The following CUX1 variants were observed in gnomAD, a reference collection of about 807,000 sequenced individuals.
The protein encoded by CUX1 is cut like homeobox 1.
CUX1 carries 31 observed loss-of-function variants against 158.8 expected under a neutral mutation model. That is an observed-to-expected ratio of 0.20 (90% CI 0.15 to 0.26). The LOEUF is 0.26. CUX1 is among the 10% of genes least tolerant of loss of function. The probability of loss-of-function intolerance (pLI) is 1.00; values close to 1 mark genes in which losing one functional copy is unlikely to be tolerated. For missense variants in CUX1, 1,589 were observed against 2,014.6 expected, an observed-to-expected ratio of 0.79 and a Z score of 4.04; for synonymous variants, 879 against 862.1, an observed-to-expected ratio of 1.02 and a Z score of -0.34.
chr7:102,065,678 A>C (rs940274058), intron 3 of CUX1, among the ~76,000 whole-genome samples: 2 of 152,136 alleles, frequency 1.3e-5, no homozygotes, highest in Admixed American at 1.3e-4. Context: ...GGGCACGGGG[A>C]GAGGACTGAG....
At chr7:101,888,046 T>C (rs1282753041) in intron 1 of CUX1, among the ~76,000 whole-genome samples, 2 of 152,114 alleles carry the variant, frequency 1.3e-5, no homozygotes, top group Non-Finnish European at 2.9e-5. Context: ...CCATAAACAT[T>C]ATTGAGGCCG....
intron 3 of CUX1, among the ~76,000 whole-genome samples, chr7:102,053,666 C>T (rs1422870897): frequency 6.6e-6 from 1 of 152,044 alleles, no homozygotes; most frequent in Non-Finnish European, 1.5e-5. Flanking sequence ...ATGTTTATAT[C>T]CCACAAATAT....
At chr7:101,953,648 G>A (rs945102112) in intron 2 of CUX1, among the ~76,000 whole-genome samples, 2 of 152,216 alleles carry the variant, frequency 1.3e-5, no homozygotes, top group Non-Finnish European at 2.9e-5. Flanking sequence ...GGAGGAATAA[G>A]ATGTTCTTGC....
In CUX1 at chr7:102,255,275, G is replaced by A; in HGVS notation, c.*6233G>A. On this transcript the variant is annotated 3_prime_UTR_variant, in exon 24 of 24. Transcript: ENST00000292535. ...CATGCCATCCGTGGCATCATCTCGA[G>A]TTTTCATTTTTGGATGAAGTGACAT... 1 of 984,642 alleles carries A rather than the reference G, an allele frequency of 1.0e-6. No homozygotes were observed. Among genetic ancestry groups the A allele is most frequent in the South Asian group, 4.7e-5 (1 of 21,252 alleles). 61.0% of individuals were successfully genotyped at this position (984,642 alleles called of 1,614,324 possible). A position where few individuals can be genotyped will look rare whatever the true frequency, so the allele number is the denominator to read the frequency against.
intron 10 of CUX1, among the ~76,000 whole-genome samples, chr7:102,177,409 A>G (rs1792495160): frequency 6.9e-6 from 1 of 145,044 alleles, no homozygotes; most frequent in Admixed American, 6.8e-5. Context: ...CCAAAACTCT[A>G]TCTCAAAAAA....
intron 8 of CUX1, among the ~76,000 whole-genome samples, chr7:102,122,891 C>T (rs116329763): frequency 1.3e-5 from 2 of 151,924 alleles, no homozygotes; most frequent in Non-Finnish European, 2.9e-5. Context: ...ACGTCACATG[C>T]ACACACACAG....
chr7:101,911,747 A>C (rs1308181818), intron 1 of CUX1, among the ~76,000 whole-genome samples: 1 of 152,252 alleles, frequency 6.6e-6, no homozygotes, highest in Non-Finnish European at 1.5e-5. Flanking sequence ...GCTCTTGGTC[A>C]GCTCGGCCCA....
chr7:102,045,444 C>T (rs1822643930), intron 3 of CUX1, among the ~76,000 whole-genome samples: 1 of 152,248 alleles, frequency 6.6e-6, no homozygotes, highest in Admixed American at 6.5e-5. Flanking sequence ...GCCCGCGCGC[C>T]CCCTCCGATG....
In CUX1 at chr7:102,195,657, G is replaced by A. The variant is rs377400094; in HGVS notation, c.1222+54G>A. On this transcript the variant is annotated intron_variant, in intron 14 of 23. Coordinates refer to ENST00000292535, the MANE Select transcript of CUX1 (RefSeq NM_181552.4). ...GGTGGTTGGTTCGCTTCCAGGGGTC[G>A]GTCGAGGACGAGGAAGGTGAATCGT... 356 of 1,480,824 alleles carry A rather than the reference G, an allele frequency of 2.4e-4. 2 individuals are homozygous for A. The African/African-American group carries it at 4.6e-3, about 19-fold the overall frequency. The allele number at this position is 1,480,824 out of a possible 1,614,324, so 91.7% of individuals were successfully genotyped here. A position where few individuals can be genotyped will look rare whatever the true frequency, so the allele number is the denominator to read the frequency against.
At chr7:101,907,917 C>A (rs760579568) in intron 1 of CUX1, among the ~76,000 whole-genome samples, 1 of 151,752 alleles carries the variant, frequency 6.6e-6, no homozygotes, top group African/African-American at 2.4e-5. Flanking sequence ...CCCAGGAATT[C>A]GAGACCAGCC....
At chr7:102,237,433 G>A (rs1323595593) in intron 22 of CUX1, among the ~76,000 whole-genome samples, 4 of 151,906 alleles carry the variant, frequency 2.6e-5, no homozygotes, top group Admixed American at 6.6e-5. Context: ...ACAGGTGCAC[G>A]CCACCACACT....
At chr7:102,193,134 C>T (rs566117149) in intron 12 of CUX1, among the ~76,000 whole-genome samples, 2 of 152,352 alleles carry the variant, frequency 1.3e-5, no homozygotes, top group East Asian at 3.9e-4. Context: ...TGCCTATGTC[C>T]CCTGGTCCCC....
rs781944108 is a variant in CUX1, at chr7:102,249,052, G to A, written c.*10G>A. 1.6e-6 allele frequency: 2 copies of A among 1,280,624 alleles called. No individual in the cohort carries two copies. The highest frequency in any genetic ancestry group is 2.3e-5 in the South Asian group (1 of 43,748). 79.3% of individuals were successfully genotyped at this position (1,280,624 alleles called of 1,614,324 possible). A position where few individuals can be genotyped will look rare whatever the true frequency, so the allele number is the denominator to read the frequency against. ...CGAATGGGAGTTCTGAGGGGCCGCG[G>A]CCCTGGGGCGGGCAGCCAGGCTGGG... On this transcript the variant is annotated 3_prime_UTR_variant, in exon 24 of 24. Coordinates refer to ENST00000292535, the MANE Select transcript of CUX1 (RefSeq NM_181552.4).
intron 1 of CUX1, 138 bp from the exon 2 acceptor site, chr7:101,915,977 C>T: frequency 1.5e-6 from 1 of 660,766 alleles, no homozygotes; most frequent in Non-Finnish European, 2.8e-6. Context: ...CCCTCCAGCC[C>T]CTCCTCTGCC....
chr7:102,197,524 A>G (rs1794918043), intron 15 of CUX1, among the ~76,000 whole-genome samples: 1 of 152,152 alleles, frequency 6.6e-6, no homozygotes, highest in Non-Finnish European at 1.5e-5. Context: ...CGCACTCAGC[A>G]CTCCATACTT....
intron 2 of CUX1, among the ~76,000 whole-genome samples, chr7:101,968,763 T>C (rs1811555768): frequency 1.3e-5 from 2 of 152,114 alleles, no homozygotes; most frequent in African/African-American, 4.8e-5. Flanking sequence ...AGGATATCCC[T>C]GCTGCCTGGG....
exon 23 of CUX1, chr7:102,283,182 C>A: frequency 1.9e-6 from 2 of 1,073,750 alleles, no homozygotes; most frequent in South Asian, 2.6e-5. Flanking sequence ...GAAGAATCCC[C>A]CATGGAAACT....
intron 18 of CUX1, among the ~76,000 whole-genome samples, chr7:102,203,382 C>G: frequency 6.6e-6 from 1 of 152,186 alleles, no homozygotes; most frequent in South Asian, 2.1e-4. Context: ...GGCGCCGTCC[C>G]CGCACTCCCC....
intron 21 of CUX1, among the ~76,000 whole-genome samples, chr7:102,282,356 G>T (rs1259457965): frequency 6.6e-6 from 1 of 152,176 alleles, no homozygotes; most frequent in African/African-American, 2.4e-5. Flanking sequence ...CAAGTTGGGG[G>T]AGAAGAGGGG....
Sources: allele counts gnomAD v4.1 joint callset (sites outside exome capture counted in the v4.1 genomes callset), GRCh38; gene constraint gnomAD v4.1.1; transcripts MANE v1.5; gene names NCBI Gene and HGNC (gene_info 2026-07-23, HGNC 2026-07-21).